The following SDHAF3 variants were observed in gnomAD, a reference collection of about 807,000 sequenced individuals.
SDHAF3 encodes the protein succinate dehydrogenase assembly factor 3, mitochondrial.
SDHAF3 carries 18 observed loss-of-function variants against 11.5 expected under a neutral mutation model. That is an observed-to-expected ratio of 1.56 (90% confidence interval 1.08 to 2.32). The LOEUF (loss-of-function observed/expected upper bound fraction) is 2.32. SDHAF3 is among the 30% of genes most tolerant of loss of function. The pLI, the probability that SDHAF3 is intolerant of heterozygous loss-of-function variation, is 0.00. For missense variants in SDHAF3, 200 were observed against 154.4 expected, an observed-to-expected ratio of 1.30 and a Z score of -1.57; for synonymous variants, 72 against 59.3, an observed-to-expected ratio of 1.21 and a Z score of -0.99.
intron 1 of SDHAF3, among the ~76,000 whole-genome samples, chr7:97,118,557 T>G (rs1302274474): frequency 6.6e-6 from 1 of 152,002 alleles, no homozygotes; most frequent in Non-Finnish European, 1.5e-5. Flanking sequence ...GACTTTTTTT[T>G]TTTTTTTTTG....
intron 1 of SDHAF3, among the ~76,000 whole-genome samples, chr7:97,155,981 T>A (rs1023704834): frequency 6.6e-5 from 10 of 152,176 alleles, no homozygotes; most frequent in Admixed American, 2.6e-4. Context: ...GCCATTTTTT[T>A]AAAAAGTATG....
intron 1 of SDHAF3, among the ~76,000 whole-genome samples, chr7:97,155,011 C>G (rs1439140161): frequency 6.6e-6 from 1 of 152,144 alleles, no homozygotes; most frequent in Non-Finnish European, 1.5e-5. Context: ...GCCTTGTTAC[C>G]TGTGGCAATA....
chr7:97,138,615 G>A (rs142707490), intron 1 of SDHAF3, among the ~76,000 whole-genome samples: 3 of 152,136 alleles, frequency 2.0e-5, no homozygotes, highest in African/African-American at 7.2e-5. Flanking sequence ...TGTGACCTTG[G>A]GTAATTTGAT....
chr7:97,129,433 G>T (rs1562820347), intron 1 of SDHAF3, among the ~76,000 whole-genome samples: 1 of 152,114 alleles, frequency 6.6e-6, no homozygotes, highest in Non-Finnish European at 1.5e-5. Flanking sequence ...TGTTGAAATT[G>T]CTTGGCTGCT....
At chr7:97,166,746 C>CGG (rs75706400) in intron 1 of SDHAF3, among the ~76,000 whole-genome samples, 1,953 of 150,734 alleles carry the variant, frequency 0.013, 22 homozygotes, top group East Asian at 0.024. Context: ...AGTTAGTTGG[C>CGG]GGGGGGGGCT....
rs377374078 is a variant in SDHAF3, at chr7:97,117,736, C to G, written c.13C>G (p.His5Asp). 4 of 1,613,024 alleles carry G rather than the reference C, an allele frequency of 2.5e-6. No individual in the cohort carries two copies. The highest frequency in any genetic ancestry group is 3.4e-6 in the Non-Finnish European group (4 of 1,179,484). Reference protein sequence around the residue: MPGRHVSRVRALYKR... With the variant: MPGRDVSRVRALYKR... ...GGCGTGGGGCGCTATGCCGGGGCGG[C>G]ACGTTTCTCGAGTCCGGGCATTGTA... Residue 5 changes from histidine to aspartate, a missense_variant, in exon 1 of 2, where the codon CAC becomes GAC. Coordinates refer to ENST00000432641, the MANE Select transcript of SDHAF3 (RefSeq NM_020186.3).
At chr7:97,123,618 TAA>T (rs1780170380) in intron 1 of SDHAF3, among the ~76,000 whole-genome samples, 1 of 152,196 alleles carries the variant, frequency 6.6e-6, no homozygotes, top group Non-Finnish European at 1.5e-5. Context: ...ACCAACAGTG[TAA>T]AAGTGTTCCT....
At chr7:97,121,269 C>T (rs1227082431) in intron 1 of SDHAF3, among the ~76,000 whole-genome samples, 1 of 152,198 alleles carries the variant, frequency 6.6e-6, no homozygotes, top group Admixed American at 6.5e-5. Context: ...GTGCCTACCA[C>T]TTATTTTCTA....
At chr7:97,121,679 T>C (rs1791498983) in intron 1 of SDHAF3, among the ~76,000 whole-genome samples, 2 of 152,026 alleles carry the variant, frequency 1.3e-5, no homozygotes, top group Admixed American at 6.6e-5. Flanking sequence ...AGAGTGTCTA[T>C]TAAATGCTGT....
chr7:97,151,025 A>C (rs1789211202), intron 1 of SDHAF3, among the ~76,000 whole-genome samples: 1 of 152,120 alleles, frequency 6.6e-6, no homozygotes, highest in Non-Finnish European at 1.5e-5. Context: ...ATTAAGAGGA[A>C]AGCACAGAGA....
chr7:97,129,762 C>A (rs1324056144), intron 1 of SDHAF3, among the ~76,000 whole-genome samples: 1 of 152,176 alleles, frequency 6.6e-6, no homozygotes, highest in Non-Finnish European at 1.5e-5. Context: ...GCTCTGCCCA[C>A]CCAGGCTGGC....
At chr7:97,156,041 A>G (rs77005973) in intron 1 of SDHAF3, among the ~76,000 whole-genome samples, 3,824 of 152,278 alleles carry the variant, frequency 0.025, 147 homozygotes, top group African/African-American at 0.088. Flanking sequence ...ATTGCTAACT[A>G]AAGTCCATTC....
chr7:97,123,854 T>G (rs544997317), intron 1 of SDHAF3, among the ~76,000 whole-genome samples: 1 of 146,202 alleles, frequency 6.8e-6, no homozygotes, highest in African/African-American at 2.4e-5. Flanking sequence ...TTTTTTTTTT[T>G]TCTTGTAAAT....
At chr7:97,161,225 G>A (rs1007844698) in intron 1 of SDHAF3, among the ~76,000 whole-genome samples, 1 of 152,116 alleles carries the variant, frequency 6.6e-6, no homozygotes, top group African/African-American at 2.4e-5. Flanking sequence ...AGGTAGGATA[G>A]GCTAAGCTAT....
At chr7:97,136,165 T>G (rs936897548) in intron 1 of SDHAF3, among the ~76,000 whole-genome samples, 3 of 152,214 alleles carry the variant, frequency 2.0e-5, no homozygotes, top group Admixed American at 1.3e-4. Flanking sequence ...TTCTGAAGCT[T>G]GATACTCTTA....
chr7:97,179,748 G>T lies in SDHAF3; in HGVS notation c.175-1264G>T, dbSNP rs1232893852. On this transcript the variant is annotated intron_variant, in intron 1 of 1. Transcript: ENST00000432641. The stretch of plus-strand genomic sequence containing the variant: ...CCCTACACACACAAAATAGTGCCAA[G>T]GTTGAAAAACCCTGCCTGCCCTGAA... Among the ~76,000 whole-genome samples, 19 of 130,786 alleles carry T rather than the reference G, an allele frequency of 1.5e-4. No homozygotes were observed. The Admixed American group carries it at 1.5e-3, about 11-fold the overall frequency. The allele number at this position is 130,786 out of a possible 152,430, so 85.8% of individuals were successfully genotyped here. A position where few individuals can be genotyped will look rare whatever the true frequency, so the allele number is the denominator to read the frequency against.
chr7:97,161,416 G>T (rs1789407215), intron 1 of SDHAF3, among the ~76,000 whole-genome samples: 1 of 152,150 alleles, frequency 6.6e-6, no homozygotes, highest in Non-Finnish European at 1.5e-5. Flanking sequence ...ACAACAGTAA[G>T]TTTCTCTGCT....
chr7:97,138,110 T>G (rs1460228273), intron 1 of SDHAF3, among the ~76,000 whole-genome samples: 1 of 151,886 alleles, frequency 6.6e-6, no homozygotes, highest in Admixed American at 6.6e-5. Context: ...TCCACCCGCC[T>G]TGGCCTCCCA....
intron 1 of SDHAF3, among the ~76,000 whole-genome samples, chr7:97,172,898 A>G (rs1455624891): frequency 2.6e-5 from 4 of 152,264 alleles, no homozygotes; most frequent in Non-Finnish European, 5.9e-5. Flanking sequence ...AAAGAACTGT[A>G]AGCGGTCCCC....
Sources: gnomAD v4.1 joint callset for allele counts (sites outside exome capture counted in the v4.1 genomes callset) on GRCh38, gnomAD v4.1.1 for gene constraint, MANE v1.5 for transcripts, NCBI Gene and HGNC (gene_info 2026-07-23, HGNC 2026-07-21) for gene names.